Variants in PANK1 observed in about 807,000 individuals in gnomAD.
PANK1 encodes the protein pantothenic acid kinase 1.
A neutral mutation model predicts 40.1 loss-of-function variants in PANK1; 18 were observed. The ratio of observed to expected loss-of-function variants is 0.45; its 90% confidence interval spans 0.31 to 0.67. The LOEUF (loss-of-function observed/expected upper bound fraction) is 0.67, where lower values mean the gene tolerates loss of function less well. Among genes scored for constraint, PANK1 ranks in the 30% least tolerant of loss-of-function variants. PANK1 has a pLI of 0.06. For missense variants in PANK1, 457 were observed against 599.6 expected (o/e 0.76, Z 2.48); for synonymous variants, 242 against 237.7 (o/e 1.02, Z -0.17).
intron 2 of PANK1, among the ~76,000 whole-genome samples, chr10:89,606,731 C>A (rs1295076490): frequency 6.6e-6 from 1 of 152,122 alleles, no homozygotes; most frequent in Non-Finnish European, 1.5e-5. Flanking sequence ...ACCATGTTGC[C>A]CAGGTGGGTC....
intron 6 of PANK1, among the ~76,000 whole-genome samples, chr10:89,585,969 G>C (rs545748006): frequency 6.6e-6 from 1 of 152,332 alleles, no homozygotes; most frequent in African/African-American, 2.4e-5. Flanking sequence ...ACTGAGTTAT[G>C]ATATAGGGTA....
chr10:89,605,161 TGGA>T lies in PANK1; in HGVS notation c.646-5659_646-5657del, dbSNP rs1844920362. On this transcript the variant is annotated intron_variant, in intron 2 of 6. Transcript: ENST00000307534. Reference sequence around the variant, plus strand: ...TTCAGATTAGTAATCTTTTTGCTGGTGGAGGGTCTCCCCTCAATGTTGAGAGCT... The same window carrying T: ...TTCAGATTAGTAATCTTTTTGCTGGTGGGTCTCCCCTCAATGTTGAGAGCT... Among the ~76,000 whole-genome samples, 4 of 152,290 alleles carry T rather than the reference TGGA, an allele frequency of 2.6e-5. 2 individuals are homozygous for T. In the South Asian group the frequency reaches 8.3e-4, roughly 32 times the overall value.
intron 3 of PANK1, among the ~76,000 whole-genome samples, chr10:89,598,065 G>A (rs1297091664): frequency 6.6e-6 from 1 of 152,230 alleles, no homozygotes; most frequent in East Asian, 1.9e-4. Context: ...GATATTTGAG[G>A]CTCAATAATT....
intron 6 of PANK1, among the ~76,000 whole-genome samples, chr10:89,586,995 C>T (rs533071338): frequency 2.0e-5 from 3 of 152,000 alleles, no homozygotes; most frequent in African/African-American, 4.8e-5. Context: ...TGGTGGCGCA[C>T]GTCTGTAATC....
rs762044334 is a variant in PANK1 at position 89,645,140 on chromosome 10, A to G, written c.-249T>C. ...TGGAGCACGCCAGCCCCGGGCGCGG[A>G]ATCGGGGATCCCCGCGCACCCCCAG... is the stretch of plus-strand genomic sequence containing the variant. On this transcript the variant is annotated 5_prime_UTR_variant, in exon 1 of 7. Transcript: ENST00000307534. The G allele has an allele frequency of 1.3e-6, 2 of 1,513,462 alleles. No homozygotes were observed. Among genetic ancestry groups the G allele is most frequent in the Non-Finnish European group, 1.8e-6 (2 of 1,134,142 alleles). 93.8% of individuals were successfully genotyped at this position (1,513,462 alleles called of 1,614,324 possible). A position where few individuals can be genotyped will look rare whatever the true frequency, so the allele number is the denominator to read the frequency against.
intron 1 of PANK1, among the ~76,000 whole-genome samples, chr10:89,634,643 G>C (rs541456515): frequency 1.3e-5 from 2 of 152,186 alleles, no homozygotes; most frequent in South Asian, 4.1e-4. Context: ...TTTTATGAAG[G>C]AAAAGTACTC....
chr10:89,608,186 C>A (rs60742632), intron 2 of PANK1, among the ~76,000 whole-genome samples: 21,080 of 151,958 alleles, frequency 0.14, 2,030 homozygotes, highest in African/African-American at 0.26. Context: ...CGCCCGCGAC[C>A]ACGCCCGGCT....
chr10:89,586,066 C>T (rs1416342115), intron 6 of PANK1, among the ~76,000 whole-genome samples: 7 of 152,120 alleles, frequency 4.6e-5, no homozygotes, highest in Non-Finnish European at 1.0e-4. Context: ...GTGAGTTTCC[C>T]CAAAATGTTG....
rs141895490 is a variant in PANK1, at chr10:89,611,288, T to C, written c.645+408A>G. 3.3e-4 allele frequency among the ~76,000 whole-genome samples: 51 copies of C among 152,342 alleles called. 1 individual carries two copies. Among genetic ancestry groups the C allele is most frequent in the African/African-American group, 1.2e-3 (50 of 41,586 alleles). On this transcript the variant is annotated intron_variant, in intron 2 of 6. Coordinates refer to ENST00000307534, the MANE Select transcript of PANK1 (RefSeq NM_148977.3). ...ATAGAAGTAATCATTTTTGGTAGGA[T>C]TCATAGAAGCCTTCCCATGGGTCTC...
At chr10:89,628,239 C>G (rs1349338178) in intron 1 of PANK1, among the ~76,000 whole-genome samples, 1 of 152,182 alleles carries the variant, frequency 6.6e-6, no homozygotes, top group African/African-American at 2.4e-5. Context: ...ATGTTTATAG[C>G]TGCATTATTC....
intron 1 of PANK1, among the ~76,000 whole-genome samples, chr10:89,618,137 C>A (rs556178756): frequency 6.6e-6 from 1 of 152,196 alleles, no homozygotes; most frequent in East Asian, 1.9e-4. Flanking sequence ...GAATCAGGAC[C>A]CTAAAGGACC....
intron 1 of PANK1, 127 bp from the exon 2 acceptor site, chr10:89,612,175 G>T: frequency 1.2e-6 from 1 of 820,262 alleles, no homozygotes; most frequent in Non-Finnish European, 1.9e-6. Flanking sequence ...CAATTTATTT[G>T]AATTCAACTA....
At chr10:89,615,467 A>G (rs11185793) in intron 1 of PANK1, among the ~76,000 whole-genome samples, 23,091 of 152,230 alleles carry the variant, frequency 0.15, 2,198 homozygotes, top group East Asian at 0.45. Context: ...TTCTGAAGCC[A>G]TTTCAAAGTT....
chr10:89,590,760 C>A (rs1019019876), intron 5 of PANK1, among the ~76,000 whole-genome samples: 24 of 152,046 alleles, frequency 1.6e-4, no homozygotes, highest in African/African-American at 5.6e-4. Flanking sequence ...TTAAAATATA[C>A]TGATATGATC....
intron 1 of PANK1, among the ~76,000 whole-genome samples, chr10:89,633,259 C>T (rs372918217): frequency 3.0e-4 from 45 of 152,226 alleles, no homozygotes; most frequent in African/African-American, 8.9e-4. Flanking sequence ...TTTAGCACAA[C>T]GCTGAGATGC....
intron 3 of PANK1, among the ~76,000 whole-genome samples, chr10:89,597,700 G>A (rs767091869): frequency 6.6e-6 from 1 of 152,176 alleles, no homozygotes; most frequent in Non-Finnish European, 1.5e-5. Context: ...GGTGAACAAT[G>A]TATAGCTTGC....
chr10:89,634,028 C>T lies in PANK1; in HGVS notation c.292+10572G>A, dbSNP rs117728449. Among the ~76,000 whole-genome samples, 1,222 of 152,222 alleles carry T rather than the reference C, an allele frequency of 8.0e-3. 5 individuals carry two copies. The highest frequency in any genetic ancestry group is 0.02 in the Middle Eastern group (6 of 294). ...ATAAGATAGCTATCTTTAAATACCT[C>T]GTGAGCTGTTATGTAGAAGATGAAT... On this transcript the variant is annotated intron_variant, in intron 1 of 6. Coordinates refer to ENST00000307534, the MANE Select transcript of PANK1 (RefSeq NM_148977.3).
At chr10:89,595,850 A>ATG (rs1670400178) in intron 3 of PANK1, among the ~76,000 whole-genome samples, 1 of 103,666 alleles carries the variant, frequency 9.6e-6, no homozygotes, top group Non-Finnish European at 1.8e-5. Flanking sequence ...ATATATATAT[A>ATG]TATATATATA....
At chr10:89,630,863 G>A (rs1180780260) in intron 1 of PANK1, among the ~76,000 whole-genome samples, 1 of 152,110 alleles carries the variant, frequency 6.6e-6, no homozygotes, top group Non-Finnish European at 1.5e-5. Flanking sequence ...TAAACATTTG[G>A]ACCCTCTAAA....
Sources: gnomAD v4.1 joint callset for allele counts (sites outside exome capture counted in the v4.1 genomes callset) on GRCh38, gnomAD v4.1.1 for gene constraint, MANE v1.5 for transcripts, NCBI Gene and HGNC (gene_info 2026-07-23, HGNC 2026-07-21) for gene names.